Variants in FGF12 observed in about 807,000 individuals in gnomAD.
FGF12 encodes fibroblast growth factor 12B.
In FGF12, 14 loss-of-function variants were observed where a neutral mutation model predicts 23.6. That is an observed-to-expected ratio of 0.59 (90% CI 0.39 to 0.93). FGF12 has a LOEUF of 0.93. Among genes scored for constraint, FGF12 ranks in the 40% least tolerant of loss-of-function variants. The pLI is 0.00. For synonymous variants in FGF12, 62 were observed against 77.3 expected, an observed-to-expected ratio of 0.80 and a Z score of 1.04; for missense variants, 175 against 217.8, an observed-to-expected ratio of 0.80 and a Z score of 1.24.
chr3:192,359,891 T>C (rs1441665668), intron 3 of FGF12, among the ~76,000 whole-genome samples: 3 of 150,766 alleles, frequency 2.0e-5, no homozygotes, highest in African/African-American at 4.9e-5. Context: ...GTAATTATAA[T>C]ATTTAAATAT....
intron 2 of FGF12, among the ~76,000 whole-genome samples, chr3:192,632,587 C>T (rs375606843): frequency 6.6e-6 from 1 of 152,306 alleles, no homozygotes; most frequent in East Asian, 1.9e-4. Context: ...TATTTCCCAA[C>T]ACTAGAAAAT....
chr3:192,712,154 A>T (rs1718710002), intron 2 of FGF12, among the ~76,000 whole-genome samples: 1 of 151,760 alleles, frequency 6.6e-6, no homozygotes, highest in Admixed American at 6.6e-5. Flanking sequence ...ATAATCTAGA[A>T]AATAGAGAAA....
chr3:192,167,770 A>ATATATATATAT lies in FGF12; in HGVS notation c.427+2687_427+2688insATATATATATA, dbSNP rs1421281367. ...ATATATATATATATATATATATATAAAATTTTTTTTTTTTTTTTTTTTTGA... is the reference window on the plus strand; with the variant it reads ...ATATATATATATATATATATATATAATATATATATATAATTTTTTTTTTTTTTTTTTTTTGA... On this transcript the variant is annotated intron_variant, in intron 5 of 5. Transcript: ENST00000445105. Among the ~76,000 whole-genome samples, 54 of 9,094 alleles carry ATATATATATAT rather than the reference A, an allele frequency of 5.9e-3. 6 individuals are homozygous for ATATATATATAT. Among genetic ancestry groups the ATATATATATAT allele is most frequent in the Admixed American group, 9.0e-3 (5 of 558 alleles). The allele number at this position is 9,094 out of a possible 152,430, so 6.0% of individuals were successfully genotyped here.
rs370554019 is a variant in FGF12 at position 192,615,309 on chromosome 3, G to A, written c.13+111872C>T. Reference sequence around the variant, plus strand: ...ATTCTATTAGAAGATGAAAAGATTCGAAATTCTCCCTTCTCTATAATTATA... The same window carrying A: ...ATTCTATTAGAAGATGAAAAGATTCAAAATTCTCCCTTCTCTATAATTATA... On this transcript the variant is annotated intron_variant, in intron 2 of 5. Coordinates refer to ENST00000445105, the MANE Select transcript of FGF12 (RefSeq NM_004113.6). Among the ~76,000 whole-genome samples the A allele has an allele frequency of 3.9e-4, 59 of 151,918 alleles. No individual in the cohort carries two copies. In the East Asian group the frequency reaches 4.8e-3, roughly 12 times the overall value.
chr3:192,171,583 G>A (rs1715562140), intron 4 of FGF12, among the ~76,000 whole-genome samples: 1 of 152,132 alleles, frequency 6.6e-6, no homozygotes, highest in Non-Finnish European at 1.5e-5. Flanking sequence ...AATGTATTGT[G>A]TGGAAGGAAG....
rs148344013 is a variant in FGF12, at chr3:192,466,503, C to G, written c.14-105965G>C. 8.4e-3 allele frequency among the ~76,000 whole-genome samples: 1,281 copies of G among 152,166 alleles called. 12 individuals carry two copies. Among genetic ancestry groups the G allele is most frequent in the African/African-American group, 0.023 (961 of 41,500 alleles). On this transcript the variant is annotated intron_variant, in intron 2 of 5. Coordinates refer to ENST00000445105, the MANE Select transcript of FGF12 (RefSeq NM_004113.6). ...CAAATGTATTTGCTGTTTGCATTTA[C>G]CAAAGGGTCCCTCCTCAGCAGAAGA... is the stretch of plus-strand genomic sequence containing the variant.
At chr3:192,388,390 T>C (rs1720144615) in intron 2 of FGF12, among the ~76,000 whole-genome samples, 2 of 152,252 alleles carry the variant, frequency 1.3e-5, no homozygotes, top group South Asian at 2.1e-4. Flanking sequence ...GAAGGTATCA[T>C]AATTTATATT....
intron 3 of FGF12, among the ~76,000 whole-genome samples, chr3:192,337,143 T>A (rs1166769214): frequency 6.6e-6 from 1 of 152,158 alleles, no homozygotes; most frequent in Non-Finnish European, 1.5e-5. Flanking sequence ...AGCTAAGACA[T>A]ATGGAATAAT....
chr3:192,355,055 A>C (rs1718408124), intron 3 of FGF12, among the ~76,000 whole-genome samples: 1 of 152,316 alleles, frequency 6.6e-6, no homozygotes, highest in African/African-American at 2.4e-5. Context: ...GATGATAAGG[A>C]AACACAATTT....
At chr3:192,694,578 T>C (rs1322097092) in intron 2 of FGF12, among the ~76,000 whole-genome samples, 3 of 151,906 alleles carry the variant, frequency 2.0e-5, no homozygotes, top group Non-Finnish European at 4.4e-5. Context: ...TACATATATA[T>C]ACATATACGT....
chr3:192,641,685 C>T (rs113224067), intron 2 of FGF12, among the ~76,000 whole-genome samples: 5,096 of 150,836 alleles, frequency 0.034, 123 homozygotes, highest in Middle Eastern at 0.14. Context: ...GGATTACAGG[C>T]GTGAGCCACA....
At chr3:192,166,079 TC>T in intron 5 of FGF12, among the ~76,000 whole-genome samples, 1 of 152,302 alleles carries the variant, frequency 6.6e-6, no homozygotes, top group Middle Eastern at 3.4e-3. Context: ...AATTTGAGTA[TC>T]CCAGCAGCGA....
Position 192,360,404 on chromosome 3 carries a change from T to C in FGF12, c.124+24A>G, listed in dbSNP as rs763953733. The C allele has an allele frequency of 3.4e-6, 5 of 1,469,342 alleles. No homozygotes were observed. Among genetic ancestry groups the C allele is most frequent in the Admixed American group, 3.3e-5 (2 of 59,724 alleles). 91.0% of individuals were successfully genotyped at this position (1,469,342 alleles called of 1,614,324 possible). Reference sequence around the variant, plus strand: ...GCCCTACATTTGATTTGTAATCAGATTGTAAGAAGCTAATGTTTCTTACTG... The same window carrying C: ...GCCCTACATTTGATTTGTAATCAGACTGTAAGAAGCTAATGTTTCTTACTG... On this transcript the variant is annotated intron_variant, in intron 3 of 5. Coordinates refer to ENST00000445105, the MANE Select transcript of FGF12 (RefSeq NM_004113.6). The surrounding 1 kb of genome is among the most constrained non-coding windows in gnomAD (Gnocchi z 4.3).
chr3:192,436,666 A>G (rs1722038375), intron 2 of FGF12, among the ~76,000 whole-genome samples: 1 of 152,236 alleles, frequency 6.6e-6, no homozygotes, highest in South Asian at 2.1e-4. Context: ...GTTTCCCAAA[A>G]TAACTGCATG....
chr3:192,522,176 C>T (rs1195128166), intron 2 of FGF12, among the ~76,000 whole-genome samples: 4 of 140,188 alleles, frequency 2.9e-5, no homozygotes, highest in Non-Finnish European at 6.0e-5. Flanking sequence ...CCAGCCTGGG[C>T]GACAGAGCGA....
chr3:192,706,080 T>C (rs1718459125), intron 2 of FGF12, among the ~76,000 whole-genome samples: 1 of 152,192 alleles, frequency 6.6e-6, no homozygotes, highest in Non-Finnish European at 1.5e-5. Context: ...ACACATTCCT[T>C]CCAAATACAA....
At chr3:192,471,817 A>G in intron 2 of FGF12, among the ~76,000 whole-genome samples, 1 of 152,200 alleles carries the variant, frequency 6.6e-6, no homozygotes, top group East Asian at 1.9e-4. Flanking sequence ...TAGCTTTCAT[A>G]TAGATAGAAT....
At chr3:192,392,967 C>T (rs1217926270) in intron 2 of FGF12, among the ~76,000 whole-genome samples, 1 of 152,098 alleles carries the variant, frequency 6.6e-6, no homozygotes, top group Non-Finnish European at 1.5e-5. Context: ...TACCTATATG[C>T]AGGATAGAGC....
intron 2 of FGF12, among the ~76,000 whole-genome samples, chr3:192,665,701 AC>A (rs1158990397): frequency 6.6e-6 from 1 of 152,126 alleles, no homozygotes; most frequent in Non-Finnish European, 1.5e-5. Flanking sequence ...ACAGCAAACA[AC>A]CATGGCACAT....
Sources: allele counts gnomAD v4.1 joint callset (sites outside exome capture counted in the v4.1 genomes callset), GRCh38; gene constraint gnomAD v4.1.1; non-coding constraint Gnocchi (gnomAD v3.1); transcripts MANE v1.5; gene names NCBI Gene and HGNC (gene_info 2026-07-23, HGNC 2026-07-21).